Variants in WDR72 observed in about 807,000 individuals in gnomAD.
WDR72 encodes WD repeat domain 72.
Under a neutral mutation model 124.2 loss-of-function variants are expected in WDR72, and 120 were observed. The observed-to-expected ratio is 0.97, with a 90% CI of 0.83 to 1.12. The LOEUF (loss-of-function observed/expected upper bound fraction) is 1.12. WDR72 is among the 50% of genes most tolerant of loss of function. The pLI, the probability that WDR72 is intolerant of heterozygous loss-of-function variation, is 0.00. For missense variants in WDR72, 1,387 were observed against 1,278.8 expected, an observed-to-expected ratio of 1.08 and a Z score of -1.29; for synonymous variants, 452 against 441.7, an observed-to-expected ratio of 1.02 and a Z score of -0.29.
At chr15:53,535,739 T>C (rs947054907) in intron 18 of WDR72, among the ~76,000 whole-genome samples, 1 of 152,154 alleles carries the variant, frequency 6.6e-6, no homozygotes, top group Non-Finnish European at 1.5e-5. Flanking sequence ...ACAGATCAAA[T>C]TGGCCTTATT....
Position 53,597,106 on chromosome 15 carries a change from A to G in WDR72, c.3121T>C (p.Cys1041Arg), listed in dbSNP as rs1002144473. The G allele has an allele frequency of 6.2e-7, 1 of 1,613,830 alleles. No homozygotes were observed. The highest frequency in any genetic ancestry group is 8.5e-7 in the Non-Finnish European group (1 of 1,179,860). ...TGCAGAGGCAAAGTGTTTCTAACAC[A>G]CTGTAACTCTAGTTCTTCTGTCCAT... ...LEWTEELELQ[C>R]VRNTLPLQTP... The change falls in exon 18 of 20, where the codon TGT becomes CGT. Residue 1041 changes from cysteine to arginine, a missense_variant. Physicochemically the swap from Cys to Arg is radical, Grantham distance 180. Transcript: ENST00000360509.
At position 53,514,997 on chromosome 15, in the gene WDR72, G is replaced by A. The variant is rs1891353607; in HGVS notation, c.*2702C>T. 1 of 57,648 alleles carries A rather than the reference G, an allele frequency of 1.7e-5. No homozygotes were observed. 3.6% of individuals were successfully genotyped at this position (57,648 alleles called of 1,614,324 possible). On this transcript the variant is annotated 3_prime_UTR_variant, in exon 20 of 20. Coordinates refer to ENST00000360509, the MANE Select transcript of WDR72 (RefSeq NM_182758.4). ...GCAAATGAAAATATGATATTCCTTT[G>A]GGGGATATGCCATATATATATATAT...
chr15:53,622,085 T>C lies in WDR72; in HGVS notation c.1963-5842A>G, dbSNP rs117085117. Among the ~76,000 whole-genome samples, 351 of 152,212 alleles carry C rather than the reference T, an allele frequency of 2.3e-3. 3 individuals are homozygous for C. Among genetic ancestry groups the C allele is most frequent in the Middle Eastern group, 6.8e-3 (2 of 294 alleles). On this transcript the variant is annotated intron_variant, in intron 14 of 19. Transcript: ENST00000360509. ...AAAACAGCAATGAGATACCATCTCA[T>C]GCCATTCAGAATGGTGATTATTAAA...
Position 53,655,092 on chromosome 15 carries a change from G to A in WDR72, c.1962+10480C>T, listed in dbSNP as rs184041136. On this transcript the variant is annotated intron_variant, in intron 14 of 19. Transcript: ENST00000360509. ...CTAAAAATACAAAAATTAGCTGAGCGTGGTGGTGCACACCTGTAATCCCAA... is the reference window on the plus strand; with the variant it reads ...CTAAAAATACAAAAATTAGCTGAGCATGGTGGTGCACACCTGTAATCCCAA... Among the ~76,000 whole-genome samples the A allele has an allele frequency of 1.4e-4, 22 of 151,742 alleles. No homozygotes were observed. The East Asian group carries it at 2.9e-3, about 20-fold the overall frequency.
At chr15:53,584,235 A>T (rs2012083954) in intron 18 of WDR72, among the ~76,000 whole-genome samples, 1 of 152,048 alleles carries the variant, frequency 6.6e-6, no homozygotes, top group Non-Finnish European at 1.5e-5. Context: ...ACTGATTCAA[A>T]GAGGATGGGT....
intron 18 of WDR72, among the ~76,000 whole-genome samples, chr15:53,539,634 G>T (rs1273469149): frequency 6.6e-6 from 1 of 150,904 alleles, no homozygotes; most frequent in Non-Finnish European, 1.5e-5. Flanking sequence ...TTAGCATAAA[G>T]GTAAACATTA....
At chr15:53,612,944 A>G (rs2013607043) in intron 16 of WDR72, among the ~76,000 whole-genome samples, 2 of 151,650 alleles carry the variant, frequency 1.3e-5, no homozygotes, top group South Asian at 4.2e-4. Context: ...TTGCTGGTGT[A>G]GGGGGTGAGA....
chr15:53,722,159 G>A (rs186017761), intron 3 of WDR72, among the ~76,000 whole-genome samples: 3 of 151,766 alleles, frequency 2.0e-5, no homozygotes, highest in East Asian at 1.9e-4. Context: ...TCAGCCTCCC[G>A]AGTAGCTGGG....
intron 13 of WDR72, among the ~76,000 whole-genome samples, chr15:53,696,084 A>G (rs1490923718): frequency 1.3e-5 from 2 of 150,090 alleles, no homozygotes; most frequent in African/African-American, 2.5e-5. Context: ...AACACCTCCT[A>G]TTTTCTCTCT....
At chr15:53,617,479 G>A (rs1595796999) in intron 14 of WDR72, among the ~76,000 whole-genome samples, 2 of 151,542 alleles carry the variant, frequency 1.3e-5, no homozygotes, top group African/African-American at 4.8e-5. Context: ...AATAAAAAAG[G>A]AAAGTTTAAA....
intron 18 of WDR72, among the ~76,000 whole-genome samples, chr15:53,547,253 C>T (rs924449933): frequency 6.6e-6 from 1 of 152,330 alleles, no homozygotes; most frequent in Middle Eastern, 3.4e-3. Context: ...CTGCCTCAGC[C>T]TCCCGAGTTG....
At chr15:53,666,592 C>A (rs1431375764) in intron 13 of WDR72, among the ~76,000 whole-genome samples, 1 of 152,048 alleles carries the variant, frequency 6.6e-6, no homozygotes, top group Non-Finnish European at 1.5e-5. Flanking sequence ...TAGGTTATCT[C>A]CTACTGAATA....
At chr15:53,700,038 T>G in intron 12 of WDR72, 93 bp from the exon 13 acceptor site, 1 of 1,456,462 alleles carries the variant, frequency 6.9e-7, no homozygotes. Flanking sequence ...ATAAAAAAGT[T>G]TTGTTAAAGC....
At chr15:53,609,488 G>T (rs1906396) in intron 17 of WDR72, 25 bp downstream of exon 17, 130,120 of 1,596,432 alleles carry the variant, frequency 0.082, 7,962 homozygotes, top group African/African-American at 0.31. Flanking sequence ...TTCTAATAAC[G>T]TCATGAATGT....
At chr15:53,565,818 G>C (rs1198324201) in intron 18 of WDR72, among the ~76,000 whole-genome samples, 2 of 151,670 alleles carry the variant, frequency 1.3e-5, no homozygotes, top group Non-Finnish European at 2.9e-5. Flanking sequence ...TTAATATGTT[G>C]GTAGATTCTG....
chr15:53,533,275 C>T (rs550658161), intron 18 of WDR72, among the ~76,000 whole-genome samples: 13 of 152,192 alleles, frequency 8.5e-5, no homozygotes, highest in South Asian at 2.1e-4. Context: ...AAGACAAAGA[C>T]GCTAGTCTGA....
At chr15:53,726,894 C>T (rs1283904134) in intron 2 of WDR72, among the ~76,000 whole-genome samples, 1 of 148,302 alleles carries the variant, frequency 6.7e-6, no homozygotes, top group Non-Finnish European at 1.5e-5. Context: ...GGGCTAATTC[C>T]CCTATCTCAT....
chr15:53,669,221 C>T (rs2015905628), intron 13 of WDR72, among the ~76,000 whole-genome samples: 1 of 152,142 alleles, frequency 6.6e-6, no homozygotes, highest in Non-Finnish European at 1.5e-5. Context: ...AGTTTTGTAA[C>T]AGCGCCTCCA....
chr15:53,636,853 ATTTCT>A (rs1360242788), intron 14 of WDR72, among the ~76,000 whole-genome samples: 2 of 152,154 alleles, frequency 1.3e-5, no homozygotes, highest in Non-Finnish European at 2.9e-5. Flanking sequence ...TTAATGATTT[ATTTCT>A]TTTCTTAACA....
Sources: gnomAD v4.1 joint callset for allele counts (sites outside exome capture counted in the v4.1 genomes callset) on GRCh38, gnomAD v4.1.1 for gene constraint, MANE v1.5 for transcripts, NCBI Gene and HGNC (gene_info 2026-07-23, HGNC 2026-07-21) for gene names.